Variants in TENM4 observed in about 807,000 individuals in gnomAD.
The protein encoded by TENM4 is teneurin-4.
Under a neutral mutation model 243.3 loss-of-function variants are expected in TENM4, and 82 were observed. The observed-to-expected ratio is 0.34, with a 90% CI of 0.28 to 0.40. TENM4 has a LOEUF of 0.40. Among genes scored for constraint, TENM4 ranks in the 10% least tolerant of loss-of-function variants. The pLI is 1.00. For synonymous variants in TENM4, 1,412 were observed against 1,456.3 expected (o/e 0.97, Z 0.69); for missense variants, 3,138 against 3,673.3 (o/e 0.85, Z 3.77).
intron 6 of TENM4, among the ~76,000 whole-genome samples, chr11:78,980,376 C>T (rs1439722654): frequency 6.6e-6 from 1 of 152,178 alleles, no homozygotes; most frequent in Admixed American, 6.5e-5. Context: ...GTCACATAGC[C>T]ACTGGTAAGG....
rs1213108923 is a variant in TENM4 at position 79,192,098 on chromosome 11, G to GGT, written c.-163+23709_-163+23710insAC. Among the ~76,000 whole-genome samples the GGT allele has an allele frequency of 3.3e-4, 49 of 150,050 alleles. 1 individual carries two copies. The highest frequency in any genetic ancestry group is 1.2e-3 in the African/African-American group (49 of 40,698). ...TCCCGTCCGGGAGGGAGGTGGGGGG[G>GGT]GGTCAGCCCCCCGCCCGGCCAGCCG... On this transcript the variant is annotated intron_variant, in intron 3 of 33. Coordinates refer to ENST00000278550, the MANE Select transcript of TENM4 (RefSeq NM_001098816.3).
At chr11:79,385,200 G>C (rs559002160) in intron 1 of TENM4, among the ~76,000 whole-genome samples, 1 of 152,284 alleles carries the variant, frequency 6.6e-6, no homozygotes, top group Admixed American at 6.5e-5. Flanking sequence ...GAATCCAGAT[G>C]CCCAGATTGC....
chr11:79,246,513 C>T (rs746422985), intron 2 of TENM4, among the ~76,000 whole-genome samples: 5 of 152,116 alleles, frequency 3.3e-5, no homozygotes, highest in African/African-American at 9.7e-5. Flanking sequence ...CAGTCAAACA[C>T]GGGAAATAAC....
chr11:78,707,369 C>T (rs921872219), intron 27 of TENM4, among the ~76,000 whole-genome samples: 7 of 152,240 alleles, frequency 4.6e-5, no homozygotes, highest in African/African-American at 1.7e-4. Context: ...TAAGGACATG[C>T]TGGATAGCCA....
At chr11:79,048,329 G>A (rs1404387745) in intron 6 of TENM4, among the ~76,000 whole-genome samples, 1 of 150,176 alleles carries the variant, frequency 6.7e-6, no homozygotes, top group Non-Finnish European at 1.5e-5. Context: ...CCTAACATGA[G>A]TGACTGCCAC....
chr11:79,018,057 GGAGGGCTGGGGGAT>G lies in TENM4; in HGVS notation c.493+46667_493+46680del, dbSNP rs1216351611. On this transcript the variant is annotated intron_variant, in intron 6 of 33. Transcript: ENST00000278550. ...CTGTGGGATAGTCTCAAGCTGGGGA[GGAGGGCTGGGGGAT>G]GAGGGCTGGGGGATGAAGCCACTTC... Among the ~76,000 whole-genome samples the G allele has an allele frequency of 5.3e-5, 8 of 152,284 alleles. No individual in the cohort carries two copies. The East Asian group carries it at 5.8e-4, about 11-fold the overall frequency.
chr11:78,880,959 T>C (rs1855417450), intron 9 of TENM4, among the ~76,000 whole-genome samples: 1 of 152,194 alleles, frequency 6.6e-6, no homozygotes, highest in Non-Finnish European at 1.5e-5. Flanking sequence ...GGTGATGGAA[T>C]GGTTATGTGT....
chr11:78,793,200 T>C (rs569179571), intron 15 of TENM4, among the ~76,000 whole-genome samples: 217 of 152,322 alleles, frequency 1.4e-3, no homozygotes, highest in African/African-American at 2.9e-3. Flanking sequence ...GAAAGACTTA[T>C]GCACAATTTT....
chr11:79,309,611 T>C (rs1856685191), intron 1 of TENM4, among the ~76,000 whole-genome samples: 1 of 152,122 alleles, frequency 6.6e-6, no homozygotes. Flanking sequence ...TTTCCAAATA[T>C]AAATACGAAG....
At chr11:78,981,134 A>G (rs647746) in intron 6 of TENM4, among the ~76,000 whole-genome samples, 60,558 of 151,914 alleles carry the variant, frequency 0.4, 13,021 homozygotes, top group Middle Eastern at 0.49. Flanking sequence ...GATGATTTTT[A>G]TATCTCTATG....
At chr11:78,723,402 C>T (rs1855445553) in intron 23 of TENM4, among the ~76,000 whole-genome samples, 6 of 152,174 alleles carry the variant, frequency 3.9e-5, no homozygotes. Context: ...TTTCTGTATC[C>T]CCAGTGCTTA....
chr11:79,016,401 T>C (rs747222922), intron 6 of TENM4, among the ~76,000 whole-genome samples: 17 of 152,250 alleles, frequency 1.1e-4, no homozygotes, highest in Non-Finnish European at 2.1e-4. Context: ...AGTTTCTAAC[T>C]TGGGCGAGTG....
chr11:78,675,222 C>T (rs1469335991), intron 30 of TENM4, among the ~76,000 whole-genome samples: 1 of 152,140 alleles, frequency 6.6e-6, no homozygotes. Context: ...ATCGTTTACC[C>T]TCTCTGGATC....
At chr11:78,879,893 T>C (rs1255460017) in intron 9 of TENM4, among the ~76,000 whole-genome samples, 2 of 152,136 alleles carry the variant, frequency 1.3e-5, no homozygotes, top group African/African-American at 4.8e-5. Context: ...CTGCCCCGTC[T>C]GGGAAGTGAG....
chr11:78,817,105 G>T (rs1011745817), intron 12 of TENM4, among the ~76,000 whole-genome samples: 1 of 152,192 alleles, frequency 6.6e-6, no homozygotes, highest in Admixed American at 6.5e-5. Flanking sequence ...AAACTTAAAT[G>T]CAGCATAGCA....
intron 27 of TENM4, among the ~76,000 whole-genome samples, chr11:78,707,050 G>A (rs935627721): frequency 6.6e-6 from 1 of 152,192 alleles, no homozygotes; most frequent in African/African-American, 2.4e-5. Context: ...ACAAGGCTCT[G>A]TGGAAGGACT....
chr11:78,958,687 TG>T (rs1239944659), intron 6 of TENM4, among the ~76,000 whole-genome samples: 16 of 152,222 alleles, frequency 1.1e-4, no homozygotes, highest in African/African-American at 3.1e-4. Context: ...AGAGGGCCTC[TG>T]GGGTGATGCT....
chr11:78,996,827 G>A (rs1489589074), intron 6 of TENM4, among the ~76,000 whole-genome samples: 1 of 152,196 alleles, frequency 6.6e-6, no homozygotes, highest in Admixed American at 6.5e-5. Context: ...TGACCCTGGG[G>A]CAGAAGAATG....
At chr11:78,879,401 A>G (rs1859363521) in intron 9 of TENM4, among the ~76,000 whole-genome samples, 2 of 150,722 alleles carry the variant, frequency 1.3e-5, no homozygotes, top group Non-Finnish European at 3.0e-5. Flanking sequence ...CCTGTCTGGG[A>G]GGTGGGGAGT....
Sources: gnomAD v4.1 joint callset for allele counts (sites outside exome capture counted in the v4.1 genomes callset) on GRCh38, gnomAD v4.1.1 for gene constraint, MANE v1.5 for transcripts, NCBI Gene and HGNC (gene_info 2026-07-23, HGNC 2026-07-21) for gene names.